RALYL: variants seen among roughly 807,000 people sequenced by gnomAD.
RALYL encodes RNA-binding Raly-like protein.
RALYL carries 29 observed loss-of-function variants against 35.1 expected under a neutral mutation model. That is an observed-to-expected ratio of 0.83 (90% CI 0.61 to 1.13). RALYL has a LOEUF of 1.13. Ranked by LOEUF, RALYL falls within the 50% of genes most tolerant of loss-of-function variation. RALYL has a pLI of 0.00. For missense variants in RALYL, 359 were observed against 360.4 expected, an observed-to-expected ratio of 1.00 and a Z score of 0.03; for synonymous variants, 120 against 127.6, an observed-to-expected ratio of 0.94 and a Z score of 0.40.
Position 84,862,336 on chromosome 8 carries a change from G to T in RALYL, c.454G>T (p.Ala152Ser). 1 of 1,601,206 alleles carries T rather than the reference G, an allele frequency of 6.2e-7. No individual in the cohort carries two copies. ...YHGRVPPPPR[A>S]VIPLKRPRVA... ...CGGGCGTGTGCCTCCACCTCCCCGTGCAGTAATTCCGCTGAAGCGTCCCAG... is the reference window on the plus strand; with the variant it reads ...CGGGCGTGTGCCTCCACCTCCCCGTTCAGTAATTCCGCTGAAGCGTCCCAG... The change falls in exon 6 of 9, where the codon GCA becomes TCA. Residue 152 changes from alanine (A) to serine (S), a missense_variant. Ala to Ser is a moderately conservative substitution (Grantham distance 99). Coordinates refer to ENST00000521268, the MANE Select transcript of RALYL (RefSeq NM_173848.7).
In RALYL at chr8:84,590,955, G is replaced by C. The variant is rs536205369; in HGVS notation, c.256+61378G>C. On this transcript the variant is annotated intron_variant, in intron 2 of 8. Coordinates refer to ENST00000521268, the MANE Select transcript of RALYL (RefSeq NM_173848.7). ...ATAGGCATAATTGCACATGTCTTTAGTTCCTTTATAGATGTTTTTCTATAT... is the reference window on the plus strand; with the variant it reads ...ATAGGCATAATTGCACATGTCTTTACTTCCTTTATAGATGTTTTTCTATAT... Among the ~76,000 whole-genome samples the C allele has an allele frequency of 5.9e-5, 9 of 151,880 alleles. No homozygotes were observed. In the South Asian group the frequency reaches 1.9e-3, roughly 32 times the overall value.
At chr8:84,423,262 G>C (rs1434486242) in intron 1 of RALYL, among the ~76,000 whole-genome samples, 1 of 151,652 alleles carries the variant, frequency 6.6e-6, no homozygotes, top group Non-Finnish European at 1.5e-5. Context: ...ATTTAGGATA[G>C]TTAGCTCTTC....
At chr8:84,488,066 G>A (rs556224468) in intron 1 of RALYL, among the ~76,000 whole-genome samples, 2 of 152,136 alleles carry the variant, frequency 1.3e-5, no homozygotes, top group African/African-American at 4.8e-5. Context: ...TGAAGTGTTA[G>A]CATCCATACA....
chr8:84,628,999 C>A (rs1228611522), intron 2 of RALYL, among the ~76,000 whole-genome samples: 1 of 151,868 alleles, frequency 6.6e-6, no homozygotes. Context: ...TATCTGGATG[C>A]CTGATTGACT....
intron 6 of RALYL, among the ~76,000 whole-genome samples, chr8:84,865,686 T>C (rs189547154): frequency 2.8e-4 from 42 of 152,320 alleles, no homozygotes; most frequent in Non-Finnish European, 5.3e-4. Flanking sequence ...GCTTTAGCTG[T>C]AGTTTCTTAG....
intron 1 of RALYL, among the ~76,000 whole-genome samples, chr8:84,393,720 C>T (rs1861206223): frequency 6.6e-6 from 1 of 152,010 alleles, no homozygotes; most frequent in Non-Finnish European, 1.5e-5. Flanking sequence ...AATCAGACTT[C>T]TCTTGCTTAA....
Position 84,703,272 on chromosome 8 carries a change from A to G in RALYL, c.257-71307A>G, listed in dbSNP as rs16913142. Among the ~76,000 whole-genome samples the G allele has an allele frequency of 8.5e-3, 1,293 of 152,232 alleles. 20 individuals are homozygous for G. Among genetic ancestry groups the G allele is most frequent in the African/African-American group, 0.03 (1,226 of 41,542 alleles). On this transcript the variant is annotated intron_variant, in intron 2 of 8. Transcript: ENST00000521268. ...GCCCAGATGTGAGGTTCAGGAGTAG[A>G]TGCTCTAAATGCACTGAGGCGAGAA...
At chr8:84,295,100 G>C (rs908794937) in intron 1 of RALYL, among the ~76,000 whole-genome samples, 9 of 152,108 alleles carry the variant, frequency 5.9e-5, no homozygotes, top group African/African-American at 2.2e-4. Flanking sequence ...CTGGGTAAGA[G>C]AGAATGCAAT....
intron 1 of RALYL, among the ~76,000 whole-genome samples, chr8:84,239,840 C>A (rs114655273): frequency 2.0e-5 from 3 of 151,888 alleles, no homozygotes; most frequent in Admixed American, 2.0e-4. Flanking sequence ...ACTGTGAAGC[C>A]GAGATCGCGC....
chr8:84,242,487 A>G lies in RALYL; in HGVS notation c.-24+58063A>G, dbSNP rs545272347. 2.0e-5 allele frequency among the ~76,000 whole-genome samples: 3 copies of G among 152,292 alleles called. No individual in the cohort carries two copies. The South Asian group carries it at 6.2e-4, about 32-fold the overall frequency. On this transcript the variant is annotated intron_variant, in intron 1 of 8. Coordinates refer to ENST00000521268, the MANE Select transcript of RALYL (RefSeq NM_173848.7). ...AGTGTAAAAGCATTCCTATTTCTTCACAACCTTGCCAGCACCTGTTGTTTC... is the reference window on the plus strand; with the variant it reads ...AGTGTAAAAGCATTCCTATTTCTTCGCAACCTTGCCAGCACCTGTTGTTTC...
intron 1 of RALYL, among the ~76,000 whole-genome samples, chr8:84,210,832 A>G (rs1043596616): frequency 6.6e-6 from 1 of 152,118 alleles, no homozygotes; most frequent in Non-Finnish European, 1.5e-5. Context: ...CATAAATTGC[A>G]TCATTTAGCA....
intron 2 of RALYL, among the ~76,000 whole-genome samples, chr8:84,584,873 A>G (rs1443050339): frequency 6.6e-6 from 1 of 152,200 alleles, no homozygotes; most frequent in African/African-American, 2.4e-5. Flanking sequence ...CCATCTCTTC[A>G]TATCTTCTTA....
intron 1 of RALYL, among the ~76,000 whole-genome samples, chr8:84,187,363 A>C (rs2130822472): frequency 6.6e-6 from 1 of 152,232 alleles, no homozygotes; most frequent in East Asian, 1.9e-4. Context: ...CTGTTGAAGA[A>C]TATTTAAATG....
Position 84,887,622 on chromosome 8 carries a change from T to G in RALYL, c.704T>G (p.Leu235Trp). Residue 235 changes from leucine to tryptophan, a missense_variant, in exon 8 of 9, where the codon TTG becomes TGG. By Grantham distance (61) the Leu-to-Trp change is moderately conservative. Transcript: ENST00000521268. ...CCCCCAGAAGCTCAGAAGAAGCAAT[T>G]GGAAGAGAGTCTAGTGCTGATCCAA... ...KAEAEAQKKQLEESLVLIQEE... is the reference protein window; with the variant it reads ...KAEAEAQKKQWEESLVLIQEE... 6.2e-7 allele frequency: 1 copy of G among 1,607,776 alleles called. No individual in the cohort carries two copies. The highest frequency in any genetic ancestry group is 2.2e-5 in the East Asian group (1 of 44,590).
chr8:84,562,739 G>A lies in RALYL; in HGVS notation c.256+33162G>A, dbSNP rs144215655. Among the ~76,000 whole-genome samples, 346 of 151,928 alleles carry A rather than the reference G, an allele frequency of 2.3e-3. 2 individuals are homozygous for A. Among genetic ancestry groups the A allele is most frequent in the African/African-American group, 7.8e-3 (324 of 41,484 alleles). On this transcript the variant is annotated intron_variant, in intron 2 of 8. Transcript: ENST00000521268. ...ATCTGTCTCACTTGACAGACACTGG[G>A]GCCCAACTAGAGGCCTACTGAATCA...
chr8:84,717,116 G>A (rs1180994401), intron 2 of RALYL, among the ~76,000 whole-genome samples: 1 of 152,166 alleles, frequency 6.6e-6, no homozygotes, highest in Admixed American at 6.5e-5. Context: ...GAACCCAGGA[G>A]GCGGAGGTTG....
At chr8:84,457,954 G>A (rs1371507763) in intron 1 of RALYL, among the ~76,000 whole-genome samples, 1 of 151,732 alleles carries the variant, frequency 6.6e-6, no homozygotes, top group Non-Finnish European at 1.5e-5. Flanking sequence ...ATTTACAGAG[G>A]ATATTTTATG....
At chr8:84,583,045 CAG>C (rs1811196881) in intron 2 of RALYL, among the ~76,000 whole-genome samples, 1 of 152,088 alleles carries the variant, frequency 6.6e-6, no homozygotes, top group Non-Finnish European at 1.5e-5. Flanking sequence ...GCCTTAGTAA[CAG>C]AGATCGATGA....
intron 2 of RALYL, among the ~76,000 whole-genome samples, chr8:84,715,058 G>A (rs373773235): frequency 6.6e-6 from 1 of 151,850 alleles, no homozygotes; most frequent in Non-Finnish European, 1.5e-5. Flanking sequence ...TTTCTAGAAA[G>A]TATCTACCTT....
Sources: gnomAD v4.1 joint callset for allele counts (sites outside exome capture counted in the v4.1 genomes callset) on GRCh38, gnomAD v4.1.1 for gene constraint, MANE v1.5 for transcripts, NCBI Gene and HGNC (gene_info 2026-07-23, HGNC 2026-07-21) for gene names.